CEP85: variants seen among roughly 807,000 people sequenced by gnomAD.
CEP85 encodes the protein centrosomal protein of 85 kDa.
A neutral mutation model predicts 93.7 loss-of-function variants in CEP85; 58 were observed. The ratio of observed to expected loss-of-function variants is 0.62; its 90% CI spans 0.50 to 0.77. The LOEUF is 0.77. CEP85 is among the 30% of genes least tolerant of loss of function. The probability of loss-of-function intolerance (pLI) is 0.00; values close to 1 mark genes in which losing one functional copy is unlikely to be tolerated. For missense variants in CEP85, 868 were observed against 922.0 expected (o/e 0.94, Z 0.76); for synonymous variants, 314 against 338.6 (o/e 0.93, Z 0.80).
At chr1:26,243,532 T>C (rs1334258093) in intron 2 of CEP85, among the ~76,000 whole-genome samples, 2 of 152,128 alleles carry the variant, frequency 1.3e-5, no homozygotes, top group African/African-American at 4.8e-5. Context: ...GGTAATACTT[T>C]TCAGTAAGTA....
chr1:26,278,459 T>G lies in CEP85; in HGVS notation c.*1166T>G, dbSNP rs1321322912. The G allele has an allele frequency of 6.5e-6, 1 of 152,714 alleles. No individual in the cohort carries two copies. Among genetic ancestry groups the G allele is most frequent in the Non-Finnish European group, 1.5e-5 (1 of 68,056 alleles). The allele number at this position is 152,714 out of a possible 1,614,324, so 9.5% of individuals were successfully genotyped here. On this transcript the variant is annotated 3_prime_UTR_variant, in exon 14 of 14. Transcript: ENST00000451429. ...GGCCACGTGTGGGCCAGTCAGCCAC[T>G]ACAAGATTTTTGCTAAGCTTTGGGC...
Position 26,255,832 on chromosome 1 carries a change from G to A in CEP85, c.870G>A (p.Leu290=). Residue 290 remains leucine (L), a synonymous_variant, in exon 4 of 14, where the codon CTG becomes CTA. Coordinates refer to ENST00000451429, the MANE Select transcript of CEP85 (RefSeq NM_001319944.2). ...AACTCAGCACTTGTCGGCAGCAGCT[G>A]GAATTGATTCGTTTACAGATGGAGC... is the stretch of plus-strand genomic sequence containing the variant. ...SCELSTCRQQ[L]ELIRLQMEQM... 1.2e-6 allele frequency: 2 copies of A among 1,612,506 alleles called. No individual in the cohort carries two copies. The highest frequency in any genetic ancestry group is 1.7e-6 in the Non-Finnish European group (2 of 1,178,904).
At chr1:26,258,041 A>C in intron 5 of CEP85, 102 bp from the exon 6 acceptor site, 2 of 786,730 alleles carry the variant, frequency 2.5e-6, no homozygotes, top group Non-Finnish European at 4.3e-6. Context: ...TGATATCCAG[A>C]ATCTAAGATC....
chr1:26,265,307 T>TA lies in CEP85; in HGVS notation c.1342-3175dup, dbSNP rs558930327. Among the ~76,000 whole-genome samples, 953 of 152,070 alleles carry TA rather than the reference T, an allele frequency of 6.3e-3. 11 individuals carry two copies. The highest frequency in any genetic ancestry group is 9.2e-3 in the Non-Finnish European group (628 of 67,970). On this transcript the variant is annotated intron_variant, in intron 7 of 13. Coordinates refer to ENST00000451429, the MANE Select transcript of CEP85 (RefSeq NM_001319944.2). ...CTAATTTTTGTATTTTTTATAGAGA[T>TA]AGAGTTTTACCATTTTGGTCAGGCT...
At chr1:26,276,483 C>A in intron 12 of CEP85, 52 bp from the exon 13 acceptor site, 1 of 1,419,242 alleles carries the variant, frequency 7.0e-7, no homozygotes, top group African/African-American at 1.4e-5. Flanking sequence ...TGCACAGATA[C>A]TCTTCCTCTC....
chr1:26,271,742 G>A (rs2089978541), intron 10 of CEP85: 1 of 432,038 alleles, frequency 2.3e-6, no homozygotes, highest in Non-Finnish European at 4.2e-6. Context: ...CCACTGGCCT[G>A]CAGTTATTAG....
At chr1:26,272,272 G>C in intron 11 of CEP85, 1 of 591,650 alleles carries the variant, frequency 1.7e-6, no homozygotes, top group East Asian at 2.8e-5. Context: ...TGTGAGAGCA[G>C]TCCCCACAGT....
chr1:26,275,206 G>A (rs1474497447), intron 12 of CEP85, 135 bp downstream of exon 12: 1 of 623,464 alleles, frequency 1.6e-6, no homozygotes, highest in Non-Finnish European at 2.8e-6. Context: ...GGGGGCAGAG[G>A]AAAGGTGCAT....
chr1:26,263,711 G>A (rs1258733562), intron 7 of CEP85, among the ~76,000 whole-genome samples: 1 of 151,688 alleles, frequency 6.6e-6, no homozygotes, highest in South Asian at 2.1e-4. Context: ...CAGTAGTTCT[G>A]TGCCCCAGCA....
At chr1:26,245,318 G>A (rs2089492393) in intron 3 of CEP85, among the ~76,000 whole-genome samples, 1 of 152,030 alleles carries the variant, frequency 6.6e-6, no homozygotes, top group Non-Finnish European at 1.5e-5. Flanking sequence ...TTACAGGCTG[G>A]AACCACCATA....
chr1:26,267,011 A>G (rs1052899236), intron 7 of CEP85, among the ~76,000 whole-genome samples: 4 of 152,210 alleles, frequency 2.6e-5, no homozygotes, highest in Admixed American at 6.5e-5. Flanking sequence ...AAAGTTATGT[A>G]TACTTCTGCA....
intron 3 of CEP85, among the ~76,000 whole-genome samples, chr1:26,246,813 T>C (rs1050004572): frequency 6.6e-6 from 1 of 152,008 alleles, no homozygotes; most frequent in Admixed American, 6.6e-5. Context: ...TTTCTGAATG[T>C]GTAGAGCACC....
In CEP85 at chr1:26,239,764, G is replaced by T; in HGVS notation, c.-20G>T. The T allele has an allele frequency of 6.3e-7, 1 of 1,592,112 alleles. No individual in the cohort carries two copies. Among genetic ancestry groups the T allele is most frequent in the South Asian group, 1.1e-5 (1 of 90,646 alleles). On this transcript the variant is annotated splice_region_variant and 5_prime_UTR_variant, in exon 2 of 14. Transcript: ENST00000451429. Reference sequence around the variant, plus strand: ...CTGGTTATTCCTTCATTCTACAGTTGGCTTAAATAACTGTGATTGATGGCC... The same window carrying T: ...CTGGTTATTCCTTCATTCTACAGTTTGCTTAAATAACTGTGATTGATGGCC...
chr1:26,247,974 T>C (rs1274371735), intron 3 of CEP85, among the ~76,000 whole-genome samples: 1 of 152,166 alleles, frequency 6.6e-6, no homozygotes, highest in Non-Finnish European at 1.5e-5. Flanking sequence ...AGAGTTAATT[T>C]TGATAGTTTG....
At chr1:26,274,607 A>C (rs1374234774) in intron 11 of CEP85, among the ~76,000 whole-genome samples, 1 of 152,306 alleles carries the variant, frequency 6.6e-6, no homozygotes, top group African/African-American at 2.4e-5. Flanking sequence ...AGAAAGGAAA[A>C]GAGAAGTGAG....
intron 7 of CEP85, among the ~76,000 whole-genome samples, chr1:26,261,662 T>C (rs947349168): frequency 2.0e-5 from 3 of 151,010 alleles, no homozygotes; most frequent in Non-Finnish European, 2.9e-5. Context: ...TGGGAGACTG[T>C]GGCAAGAGAA....
intron 7 of CEP85, among the ~76,000 whole-genome samples, chr1:26,267,092 A>G (rs1433396527): frequency 6.6e-6 from 1 of 152,224 alleles, no homozygotes; most frequent in Non-Finnish European, 1.5e-5. Context: ...GTTCTCAGCA[A>G]AACTGTGTTT....
intron 12 of CEP85, 101 bp downstream of exon 12, chr1:26,275,172 A>AGG (rs1457077177): frequency 2.4e-6 from 2 of 839,636 alleles, no homozygotes; most frequent in Non-Finnish European, 3.8e-6. Context: ...AGTGTTTGAA[A>AGG]GGGAAAGGTC....
At chr1:26,275,384 G>A (rs962346932) in intron 12 of CEP85, among the ~76,000 whole-genome samples, 9 of 151,384 alleles carry the variant, frequency 5.9e-5, no homozygotes, top group Admixed American at 5.9e-4. Context: ...AGGTTCAAGC[G>A]ATTCCCCTGC....
Sources: allele counts gnomAD v4.1 joint callset (sites outside exome capture counted in the v4.1 genomes callset), GRCh38; gene constraint gnomAD v4.1.1; transcripts MANE v1.5; gene names NCBI Gene and HGNC (gene_info 2026-07-23, HGNC 2026-07-21).